GALNT10: variants seen among roughly 807,000 people sequenced by gnomAD.
The protein encoded by GALNT10 is GalNAc transferase 10.
In GALNT10, 41 loss-of-function variants were observed where a neutral mutation model predicts 75.0. The observed-to-expected ratio is 0.55, with a 90% CI of 0.43 to 0.71. GALNT10 has a LOEUF of 0.71. Among genes scored for constraint, GALNT10 ranks in the 30% least tolerant of loss-of-function variants. GALNT10 has a pLI of 0.00. For synonymous variants in GALNT10, 302 were observed against 313.0 expected (o/e 0.96, Z 0.37); for missense variants, 727 against 818.5 (o/e 0.89, Z 1.36).
intron 4 of GALNT10, among the ~76,000 whole-genome samples, chr5:154,338,954 G>A (rs1027067384): frequency 4.6e-5 from 7 of 152,220 alleles, no homozygotes; most frequent in African/African-American, 1.2e-4. Context: ...CAATAAGCAT[G>A]GCACAAGGAG....
At chr5:154,415,574 A>G (rs926864999) in intron 10 of GALNT10, among the ~76,000 whole-genome samples, 5 of 152,140 alleles carry the variant, frequency 3.3e-5, no homozygotes, top group Non-Finnish European at 7.4e-5. Flanking sequence ...CCTGGCCTCA[A>G]AGTGATCCAC....
chr5:154,270,426 C>T (rs1046392656), intron 1 of GALNT10, among the ~76,000 whole-genome samples: 8 of 151,794 alleles, frequency 5.3e-5, no homozygotes, highest in Admixed American at 2.6e-4. Flanking sequence ...CCTGGACCCA[C>T]GTGCTTGACA....
intron 1 of GALNT10, among the ~76,000 whole-genome samples, chr5:154,259,612 G>GGCAGCAGC (rs1753670030): frequency 6.6e-6 from 1 of 152,008 alleles, no homozygotes; most frequent in Admixed American, 6.6e-5. Flanking sequence ...CATGAGACAG[G>GGCAGCAGC]GCAGCAGCCC....
At chr5:154,194,189 G>T (rs1297424384) in intron 1 of GALNT10, among the ~76,000 whole-genome samples, 1 of 152,226 alleles carries the variant, frequency 6.6e-6, no homozygotes, top group Non-Finnish European at 1.5e-5. Context: ...ATGTGGAATA[G>T]AAATTGGTGG....
chr5:154,203,737 G>A (rs1158568380), intron 1 of GALNT10, among the ~76,000 whole-genome samples: 1 of 152,202 alleles, frequency 6.6e-6, no homozygotes, highest in Non-Finnish European at 1.5e-5. Flanking sequence ...CTTCCTAGCA[G>A]GACACTCCCT....
At chr5:154,389,821 C>T (rs936032135) in intron 7 of GALNT10, among the ~76,000 whole-genome samples, 6 of 151,856 alleles carry the variant, frequency 4.0e-5, no homozygotes, top group African/African-American at 1.5e-4. Flanking sequence ...CAGTCTACAA[C>T]AGACTTTATT....
intron 7 of GALNT10, among the ~76,000 whole-genome samples, chr5:154,396,591 C>A (rs1218372069): frequency 6.6e-6 from 1 of 152,194 alleles, no homozygotes; most frequent in African/African-American, 2.4e-5. Flanking sequence ...ATGCACTGGG[C>A]AACCCTGGGG....
chr5:154,300,711 C>T (rs1473571289), intron 3 of GALNT10, among the ~76,000 whole-genome samples: 1 of 152,224 alleles, frequency 6.6e-6, no homozygotes, highest in Non-Finnish European at 1.5e-5. Flanking sequence ...CTCAAAGGAA[C>T]TCCCACTCTT....
intron 7 of GALNT10, chr5:154,387,691 T>C (rs1472892781): frequency 2.0e-5 from 3 of 152,118 alleles, no homozygotes; most frequent in Non-Finnish European, 4.4e-5. Context: ...GTTGAGAGGA[T>C]TAAGTGAGAC....
intron 1 of GALNT10, among the ~76,000 whole-genome samples, chr5:154,274,357 A>T (rs1753917284): frequency 6.6e-6 from 1 of 152,230 alleles, no homozygotes; most frequent in Non-Finnish European, 1.5e-5. Context: ...TTGTAAAAAC[A>T]TGCTTATGAA....
intron 7 of GALNT10, among the ~76,000 whole-genome samples, chr5:154,391,741 C>A (rs1440111514): frequency 6.6e-6 from 1 of 152,248 alleles, no homozygotes; most frequent in Non-Finnish European, 1.5e-5. Flanking sequence ...TAAGGCCGGG[C>A]TGGATGCAGG....
At chr5:154,378,069 G>A (rs1309643837) in intron 5 of GALNT10, among the ~76,000 whole-genome samples, 2 of 152,186 alleles carry the variant, frequency 1.3e-5, no homozygotes, top group Non-Finnish European at 2.9e-5. Flanking sequence ...ACATCCCCTT[G>A]TTGGTTTTTG....
At chr5:154,394,851 T>A (rs1222283994) in intron 7 of GALNT10, among the ~76,000 whole-genome samples, 1 of 152,246 alleles carries the variant, frequency 6.6e-6, no homozygotes, top group East Asian at 1.9e-4. Flanking sequence ...CCTTTCCCTG[T>A]GTTATCCAAG....
intron 1 of GALNT10, among the ~76,000 whole-genome samples, chr5:154,246,321 C>T (rs929575387): frequency 9.2e-5 from 14 of 152,188 alleles, no homozygotes; most frequent in African/African-American, 3.4e-4. Flanking sequence ...TGGGTATATA[C>T]CCAGTAATGG....
intron 1 of GALNT10, among the ~76,000 whole-genome samples, chr5:154,248,171 A>T (rs956634018): frequency 2.6e-5 from 4 of 152,216 alleles, no homozygotes. Context: ...CCACTTGATC[A>T]TGGTGGATAA....
chr5:154,272,705 G>A (rs1361645874), intron 1 of GALNT10, among the ~76,000 whole-genome samples: 1 of 152,166 alleles, frequency 6.6e-6, no homozygotes, highest in African/African-American at 2.4e-5. Context: ...GATAATAATA[G>A]TGCCACCCTC....
intron 1 of GALNT10, among the ~76,000 whole-genome samples, chr5:154,211,351 CTT>C (rs987781621): frequency 1.3e-5 from 2 of 152,200 alleles, no homozygotes; most frequent in African/African-American, 4.8e-5. Flanking sequence ...TTTCCCCTCT[CTT>C]TTTCCCTTGG....
At chr5:154,222,251 C>G (rs1468548386) in intron 1 of GALNT10, among the ~76,000 whole-genome samples, 1 of 138,816 alleles carries the variant, frequency 7.2e-6, no homozygotes, top group African/African-American at 2.6e-5. Context: ...TTTTTTTTTA[C>G]TCAGCATGAT....
chr5:154,354,663 C>G (rs1755260617), intron 4 of GALNT10, among the ~76,000 whole-genome samples: 2 of 152,124 alleles, frequency 1.3e-5, no homozygotes, highest in African/African-American at 4.8e-5. Context: ...AGGTGAGATG[C>G]TGGGGCATTC....
Sources: gnomAD v4.1 joint callset for allele counts (sites outside exome capture counted in the v4.1 genomes callset) on GRCh38, gnomAD v4.1.1 for gene constraint, MANE v1.5 for transcripts, NCBI Gene and HGNC (gene_info 2026-07-23, HGNC 2026-07-21) for gene names.